The following FRMD4A variants were observed in gnomAD, a reference collection of about 807,000 sequenced individuals.
FRMD4A encodes FERM domain containing 4A.
In FRMD4A, 29 loss-of-function variants were observed where a neutral mutation model predicts 129.1. That is an observed-to-expected ratio of 0.22 (90% confidence interval 0.17 to 0.31). The LOEUF (loss-of-function observed/expected upper bound fraction) is 0.31, where lower values mean the gene tolerates loss of function less well. Among genes scored for constraint, FRMD4A ranks in the 10% least tolerant of loss-of-function variants. The pLI is 1.00. For synonymous variants in FRMD4A, 634 were observed against 571.6 expected (o/e 1.11, Z -1.56); for missense variants, 1,272 against 1,375.8 (o/e 0.92, Z 1.19).
intron 2 of FRMD4A, among the ~76,000 whole-genome samples, chr10:14,213,786 G>A (rs917325134): frequency 6.6e-6 from 1 of 152,176 alleles, no homozygotes; most frequent in Admixed American, 6.5e-5. Flanking sequence ...CCCAAGTGTT[G>A]CGGGAGGGAC....
chr10:13,701,646 G>C (rs1541005), intron 13 of FRMD4A, among the ~76,000 whole-genome samples, 168 bp from the exon 14 acceptor site: 147,305 of 152,314 alleles, frequency 0.97, 71,439 homozygotes, highest in East Asian at 1. Context: ...TGCGCACACA[G>C]CTTACAGACA....
intron 6 of FRMD4A, among the ~76,000 whole-genome samples, chr10:13,764,543 C>A (rs2092210259): frequency 6.6e-6 from 1 of 151,628 alleles, no homozygotes; most frequent in South Asian, 2.1e-4. Flanking sequence ...AACCTAACAA[C>A]AACAAACTCA....
intron 4 of FRMD4A, among the ~76,000 whole-genome samples, chr10:13,808,564 C>T (rs1178664199): frequency 6.6e-6 from 1 of 152,224 alleles, no homozygotes; most frequent in East Asian, 1.9e-4. Context: ...CAAAGAGGCA[C>T]TCCCAATGTC....
At chr10:14,189,751 C>T (rs1842259871) in intron 2 of FRMD4A, among the ~76,000 whole-genome samples, 1 of 152,100 alleles carries the variant, frequency 6.6e-6, no homozygotes, top group Non-Finnish European at 1.5e-5. Context: ...GACTAGAGCC[C>T]ATAAACTTCT....
intron 2 of FRMD4A, among the ~76,000 whole-genome samples, chr10:14,125,905 CAG>C (rs1409520456): frequency 6.9e-6 from 1 of 145,928 alleles, no homozygotes; most frequent in Non-Finnish European, 1.5e-5. Flanking sequence ...AAAACAAAAA[CAG>C]GGTACAACAC....
At chr10:14,257,467 T>A (rs1249373612) in intron 2 of FRMD4A, among the ~76,000 whole-genome samples, 1 of 152,216 alleles carries the variant, frequency 6.6e-6, no homozygotes, top group East Asian at 1.9e-4. Flanking sequence ...GGTCAGTGGA[T>A]TTTTAGCAAA....
At chr10:13,863,435 A>T (rs945339588) in intron 2 of FRMD4A, among the ~76,000 whole-genome samples, 7 of 151,874 alleles carry the variant, frequency 4.6e-5, no homozygotes, top group South Asian at 2.1e-4. Flanking sequence ...TACAAAAAAA[A>T]AAAAATTAGC....
chr10:14,084,629 G>T (rs1283993018), intron 2 of FRMD4A, among the ~76,000 whole-genome samples: 1 of 152,062 alleles, frequency 6.6e-6, no homozygotes, highest in Non-Finnish European at 1.5e-5. Flanking sequence ...CAAACCAACC[G>T]GTTCAGAGTT....
intron 2 of FRMD4A, among the ~76,000 whole-genome samples, chr10:14,247,335 T>C (rs1844278361): frequency 6.6e-6 from 1 of 152,178 alleles, no homozygotes; most frequent in African/African-American, 2.4e-5. Context: ...GGAACTAGAT[T>C]CAAACCTCTG....
chr10:13,902,745 C>T (rs2094835240), intron 2 of FRMD4A, among the ~76,000 whole-genome samples: 1 of 150,634 alleles, frequency 6.6e-6, no homozygotes, highest in Non-Finnish European at 1.5e-5. Context: ...GAGGCTGAGG[C>T]AGGAGGACTG....
At chr10:13,865,273 T>C (rs896063432) in intron 2 of FRMD4A, among the ~76,000 whole-genome samples, 5 of 152,198 alleles carry the variant, frequency 3.3e-5, no homozygotes, top group South Asian at 2.1e-4. Context: ...TGGTACGAAG[T>C]ATATACTCAT....
chr10:14,036,400 G>A (rs1446674225), intron 2 of FRMD4A, among the ~76,000 whole-genome samples: 3 of 152,134 alleles, frequency 2.0e-5, no homozygotes, highest in African/African-American at 2.4e-5. Flanking sequence ...TCAGCAAGAC[G>A]GAAAGGGAAA....
At chr10:13,994,100 C>G (rs1318216406) in intron 2 of FRMD4A, among the ~76,000 whole-genome samples, 1 of 151,152 alleles carries the variant, frequency 6.6e-6, no homozygotes, top group Non-Finnish European at 1.5e-5. Context: ...ACCTTCACCT[C>G]CCGGGTTCAG....
intron 2 of FRMD4A, among the ~76,000 whole-genome samples, chr10:14,078,854 G>A (rs1291552063): frequency 6.6e-6 from 1 of 152,136 alleles, no homozygotes; most frequent in Non-Finnish European, 1.5e-5. Context: ...TGTGGAGACT[G>A]GTACATCTGC....
At chr10:14,186,141 A>C (rs546478505) in intron 2 of FRMD4A, among the ~76,000 whole-genome samples, 129 of 150,216 alleles carry the variant, frequency 8.6e-4, no homozygotes, top group Non-Finnish European at 1.4e-3. Flanking sequence ...CGCAGATAAA[A>C]AGAAAAAGAA....
chr10:14,088,308 G>C (rs1836416995), intron 2 of FRMD4A, among the ~76,000 whole-genome samples: 1 of 151,952 alleles, frequency 6.6e-6, no homozygotes, highest in African/African-American at 2.4e-5. Context: ...TTAGCGGGCT[G>C]TGGTGGTGTG....
chr10:13,721,481 C>CAA (rs142931206), intron 12 of FRMD4A, among the ~76,000 whole-genome samples: 23 of 150,508 alleles, frequency 1.5e-4, no homozygotes, highest in East Asian at 3.9e-4. Context: ...AACTCTGCCT[C>CAA]AAAAAAAAAG....
intron 14 of FRMD4A, among the ~76,000 whole-genome samples, chr10:13,698,016 C>A (rs757542030): frequency 1.6e-4 from 24 of 152,192 alleles, no homozygotes; most frequent in Admixed American, 1.3e-3. Context: ...AATAACCAAC[C>A]AGCACAGCCT....
intron 13 of FRMD4A, among the ~76,000 whole-genome samples, chr10:13,701,808 A>T (rs570281693): frequency 6.6e-6 from 1 of 152,308 alleles, no homozygotes; most frequent in African/African-American, 2.4e-5. Flanking sequence ...GCCAAGACAA[A>T]CTTCGCAGAC....
Sources: allele counts gnomAD v4.1 joint callset (sites outside exome capture counted in the v4.1 genomes callset), GRCh38; gene constraint gnomAD v4.1.1; transcripts MANE v1.5; gene names NCBI Gene and HGNC (gene_info 2026-07-23, HGNC 2026-07-21).